The following MIA3 variants were observed in gnomAD, a reference collection of about 807,000 sequenced individuals.
MIA3 encodes the protein transport and Golgi organization protein 1 homolog.
MIA3 carries 90 observed loss-of-function variants against 192.4 expected under a neutral mutation model. The observed-to-expected ratio is 0.47, with a 90% confidence interval of 0.39 to 0.56. MIA3 has a LOEUF of 0.56. MIA3 is among the 20% of genes least tolerant of loss of function. The pLI, the probability that MIA3 is intolerant of heterozygous loss-of-function variation, is 0.00. For synonymous variants in MIA3, 740 were observed against 792.8 expected (o/e 0.93, Z 1.12); for missense variants, 2,123 against 2,269.4 (o/e 0.94, Z 1.31).
chr1:222,644,627 A>G, intron 6 of MIA3: 4 of 1,548,760 alleles, frequency 2.6e-6, no homozygotes, highest in Non-Finnish European at 3.5e-6. Context: ...AAGCTGTCAC[A>G]GGCGGGTGGA....
chr1:222,651,389 T>A (rs997015924), intron 11 of MIA3, among the ~76,000 whole-genome samples: 11 of 151,630 alleles, frequency 7.3e-5, no homozygotes, highest in African/African-American at 1.5e-4. Flanking sequence ...TTTTTTTTTT[T>A]AAACTTTTTG....
At chr1:222,654,121 G>T (rs1434603239) in intron 15 of MIA3, 122 bp from the exon 16 acceptor site, 2 of 924,264 alleles carry the variant, frequency 2.2e-6, no homozygotes. Flanking sequence ...ATCCTTTTCT[G>T]TTTTTGTTTG....
chr1:222,622,059 C>T (rs1661896268), intron 2 of MIA3, among the ~76,000 whole-genome samples: 1 of 152,156 alleles, frequency 6.6e-6, no homozygotes. Flanking sequence ...CCACCTTGAC[C>T]TCCCAAAGTG....
Position 222,629,051 on chromosome 1 carries a change from G to T in MIA3, c.1831G>T (p.Val611Leu), listed in dbSNP as rs376343121. The change falls in exon 4 of 28, where the codon GTG (valine) becomes TTG (leucine). Residue 611 changes from valine (V) to leucine (L), a missense_variant. By Grantham distance (32) the Val-to-Leu change is conservative (BLOSUM62 1). This residue lies in a region of MIA3 where 1,357 missense variants were observed against 1,396.1 expected (regional missense o/e 0.97). Transcript: ENST00000344922. ...VNGAKLHTLS[V>L]EHQREELKEE... ...TGGGGCCAAACTGCACACGCTTTCA[G>T]TGGAGCATCAACGTGAGGAATTGAA... 18 of 1,614,098 alleles carry T rather than the reference G, an allele frequency of 1.1e-5. No individual in the cohort carries two copies. Among genetic ancestry groups the T allele is most frequent in the Non-Finnish European group, 1.5e-5 (18 of 1,180,048 alleles).
Position 222,627,913 on chromosome 1 carries a change from A to G in MIA3, c.693A>G (p.Glu231=), listed in dbSNP as rs746428252. 12 of 1,614,008 alleles carry G rather than the reference A, an allele frequency of 7.4e-6. No homozygotes were observed. Among genetic ancestry groups the G allele is most frequent in the Non-Finnish European group, 1.0e-5 (12 of 1,180,036 alleles). The change falls in exon 4 of 28, where the codon GAA becomes GAG. Residue 231 remains glutamate, a synonymous_variant. Transcript: ENST00000344922. ...AGCAGGCTTCATTTGAATCTTTTGA[A>G]GAAATGCTGCAAGATAAACTAAAAG... The part of the protein sequence containing the change: ...QGEQASFESF[E]EMLQDKLKVP...
At chr1:222,635,734 G>T (rs2124864432) in intron 6 of MIA3, among the ~76,000 whole-genome samples, 1 of 152,264 alleles carries the variant, frequency 6.6e-6, no homozygotes, top group African/African-American at 2.4e-5. Context: ...AATAATTGAT[G>T]AATAGTTAGT....
intron 10 of MIA3, 24 bp from the exon 11 acceptor site, chr1:222,650,765 ATAAC>A: frequency 6.4e-7 from 1 of 1,574,486 alleles, no homozygotes. Context: ...AGTAATGAGT[ATAAC>A]TAACCTTAAT....
intron 6 of MIA3, among the ~76,000 whole-genome samples, chr1:222,642,044 T>C (rs1185972326): frequency 6.6e-6 from 1 of 152,094 alleles, no homozygotes; most frequent in Non-Finnish European, 1.5e-5. Context: ...CCAGAGAAAA[T>C]ATAATCGTGC....
At chr1:222,644,085 C>T (rs1395217548) in intron 6 of MIA3, among the ~76,000 whole-genome samples, 2 of 152,220 alleles carry the variant, frequency 1.3e-5, no homozygotes, top group Non-Finnish European at 2.9e-5. Context: ...AATCCTCCTC[C>T]AGGTAAATCC....
Position 222,620,230 on chromosome 1 carries a change from C to G in MIA3, c.134-929C>G, listed in dbSNP as rs1305860617. On this transcript the variant is annotated intron_variant, in intron 1 of 27. Coordinates refer to ENST00000344922, the MANE Select transcript of MIA3 (RefSeq NM_198551.4). Reference sequence around the variant, plus strand: ...AAAAATCTTATTTCTATTCGTCCTTCTTTGTCTCTGCTATTTAGATGTATT... The same window carrying G: ...AAAAATCTTATTTCTATTCGTCCTTGTTTGTCTCTGCTATTTAGATGTATT... 2.6e-5 allele frequency among the ~76,000 whole-genome samples: 4 copies of G among 152,140 alleles called. No individual in the cohort carries two copies. In the East Asian group the frequency reaches 5.8e-4, roughly 22 times the overall value.
At chr1:222,664,169 G>C in intron 27 of MIA3, 21 bp downstream of exon 27, 2 of 1,613,254 alleles carry the variant, frequency 1.2e-6, no homozygotes, top group Non-Finnish European at 1.7e-6. Flanking sequence ...CTGAACAGTA[G>C]TAATTGACTT....
At chr1:222,655,393 G>A (rs1475539329) in intron 18 of MIA3, among the ~76,000 whole-genome samples, 2 of 152,112 alleles carry the variant, frequency 1.3e-5, no homozygotes, top group Non-Finnish European at 2.9e-5. Flanking sequence ...TATTTTTATA[G>A]TTCAAGTTTT....
In MIA3 at chr1:222,630,024, CTT is replaced by C; in HGVS notation, c.2806_2807del (p.Leu936AlafsTer8). ...AGCAGCTTCTTTAAAGAACAACAGT[CTT>C]TGCAGCGGTTCCAGAAGTACTTTAA... On this transcript the variant is annotated frameshift_variant, in exon 4 of 28. Coordinates refer to ENST00000344922, the MANE Select transcript of MIA3 (RefSeq NM_198551.4). LOFTEE classifies it high-confidence loss of function. The C allele has an allele frequency of 6.2e-7, 1 of 1,614,120 alleles. No homozygotes were observed.
At chr1:222,645,849 T>TTTTTTTTTTTTTTTTTTTTTTG in intron 7 of MIA3, 164 bp downstream of exon 7, 2 of 594,854 alleles carry the variant, frequency 3.4e-6, no homozygotes, top group East Asian at 4.0e-5. Flanking sequence ...GGTAAATTCT[T>TTTTTTTTTTTTTTTTTTTTTTG]AAGTGAATAA....
intron 18 of MIA3, among the ~76,000 whole-genome samples, chr1:222,656,806 A>G (rs960848687): frequency 2.6e-5 from 4 of 152,134 alleles, no homozygotes; most frequent in Non-Finnish European, 5.9e-5. Flanking sequence ...CTATCTTCCA[A>G]TGTGCTAAAA....
chr1:222,650,877 G>T lies in MIA3; in HGVS notation c.3883G>T (p.Glu1295Ter). Reference sequence around the variant, plus strand: ...TCGTGTTATGCTAGAATCTGAGAGAGAACAGAATGTCAAGAATCAGGACTT... The same window carrying T: ...TCGTGTTATGCTAGAATCTGAGAGATAACAGAATGTCAAGAATCAGGACTT... Reference protein sequence around the residue: ...NLRVMLESEREQNVKNQDLIS... With the variant: ...NLRVMLESER The change falls in exon 11 of 28, where the codon GAA (glutamate) becomes TAA (stop). Residue 1295 changes from glutamate to a stop codon, truncating the protein, a stop_gained. Coordinates refer to ENST00000344922, the MANE Select transcript of MIA3 (RefSeq NM_198551.4). LOFTEE classifies it high-confidence loss of function. 1 of 1,603,722 alleles carries T rather than the reference G, an allele frequency of 6.2e-7. No homozygotes were observed. Among genetic ancestry groups the T allele is most frequent in the Non-Finnish European group, 8.5e-7 (1 of 1,175,712 alleles).
chr1:222,653,097 A>G lies in MIA3; in HGVS notation c.4176A>G (p.Glu1392=), dbSNP rs755508230. Residue 1392 remains glutamate, a synonymous_variant, in exon 14 of 28, where the codon GAA becomes GAG. Coordinates refer to ENST00000344922, the MANE Select transcript of MIA3 (RefSeq NM_198551.4). ...KSFEKSQKDL[E]VALTHKDDNI... is the part of the protein sequence containing the mutation. ...TTGAGAAGTCTCAGAAAGATTTGGAAGTAGCTCTTACTCACAAGGATGATA... is the reference window on the plus strand; with the variant it reads ...TTGAGAAGTCTCAGAAAGATTTGGAGGTAGCTCTTACTCACAAGGATGATA... 6.2e-7 allele frequency: 1 copy of G among 1,611,972 alleles called. No homozygotes were observed. Among genetic ancestry groups the G allele is most frequent in the South Asian group, 1.1e-5 (1 of 91,056 alleles).
intron 11 of MIA3, among the ~76,000 whole-genome samples, chr1:222,651,211 G>A (rs1663414489): frequency 7.1e-6 from 1 of 140,166 alleles, no homozygotes; most frequent in African/African-American, 2.6e-5. Context: ...GTTTTGCAAA[G>A]TTTTTTTTTT....
rs1297573220 is a variant in MIA3, at chr1:222,665,339, G to C, written c.5444G>C (p.Arg1815Thr). The change falls in exon 28 of 28, where the codon AGA becomes ACA. Residue 1815 changes from arginine to threonine, a missense_variant. Transcript: ENST00000344922. ...GGTATGCGTCCACCACTAGGCTTAA[G>C]AGAATTTGCACCAGGCGTTCCACCA... ...GPGMRPPLGL[R>T]EFAPGVPPGR... The C allele has an allele frequency of 1.9e-6, 3 of 1,613,352 alleles. No individual in the cohort carries two copies. Among genetic ancestry groups the C allele is most frequent in the Non-Finnish European group, 2.5e-6 (3 of 1,179,824 alleles).
Sources: gnomAD v4.1 joint callset for allele counts (sites outside exome capture counted in the v4.1 genomes callset) on GRCh38, gnomAD v4.1.1 for gene constraint, gnomAD v4.1.1 regional missense constraint, MANE v1.5 for transcripts, NCBI Gene and HGNC (gene_info 2026-07-23, HGNC 2026-07-21) for gene names.